PHEX: variants seen among roughly 807,000 people sequenced by gnomAD.
PHEX encodes phosphate-regulating neutral endopeptidase PHEX.
Under a neutral mutation model 68.0 loss-of-function variants are expected in PHEX, and 16 were observed. That is an observed-to-expected ratio of 0.24 (90% CI 0.16 to 0.36). The LOEUF is 0.36. Ranked by LOEUF, PHEX falls within the 10% of genes least tolerant of loss-of-function variation. The pLI is 1.00. For synonymous variants in PHEX, 208 were observed against 205.1 expected, an observed-to-expected ratio of 1.01 and a Z score of -0.12; for missense variants, 480 against 575.5, an observed-to-expected ratio of 0.83 and a Z score of 1.70.
At chrX:22,105,296 T>C (rs986702127) in intron 9 of PHEX, among the ~76,000 whole-genome samples, 1 of 112,488 alleles carries the variant, frequency 8.9e-6, no homozygotes, top group African/African-American at 3.2e-5. Context: ...AGTTGAGCTG[T>C]GTGTGCAGAA....
chrX:22,107,551 C>G (rs1422935580), intron 9 of PHEX, among the ~76,000 whole-genome samples: 1 of 111,856 alleles, frequency 8.9e-6, no homozygotes, highest in African/African-American at 3.3e-5. Flanking sequence ...CTGCCCACTT[C>G]CTTGAGTGAT....
intron 20 of PHEX, among the ~76,000 whole-genome samples, chrX:22,235,676 A>G (rs1025514540): frequency 3.6e-5 from 4 of 111,686 alleles, no homozygotes; most frequent in Non-Finnish European, 7.5e-5. Flanking sequence ...GGGCTTCAAC[A>G]TAAGAATTTT....
intron 15 of PHEX, among the ~76,000 whole-genome samples, chrX:22,208,808 CAT>C (rs767383877): frequency 4.5e-5 from 5 of 111,948 alleles, no homozygotes; most frequent in Admixed American, 1.9e-4. Context: ...TATAATGTAA[CAT>C]ATGTGTTCTT....
intron 11 of PHEX, among the ~76,000 whole-genome samples, chrX:22,117,236 G>A (rs1931274855): frequency 8.9e-6 from 1 of 111,995 alleles, no homozygotes; most frequent in South Asian, 3.7e-4. Flanking sequence ...CTTTCTCCCT[G>A]TAACCAGTGG....
At chrX:22,105,006 G>A (rs1930615774) in intron 9 of PHEX, among the ~76,000 whole-genome samples, 2 of 112,431 alleles carry the variant, frequency 1.8e-5, no homozygotes, top group African/African-American at 6.5e-5. Context: ...AAAGTAAGAT[G>A]ATTCTTGTTG....
At chrX:22,127,784 C>G (rs1229145530) in intron 11 of PHEX, among the ~76,000 whole-genome samples, 1 of 108,739 alleles carries the variant, frequency 9.2e-6, no homozygotes, top group Non-Finnish European at 1.9e-5. Context: ...CAAAGAGCAG[C>G]TGAGGCTCAT....
chrX:22,052,976 G>A (rs1927908655), intron 3 of PHEX, among the ~76,000 whole-genome samples: 1 of 110,828 alleles, frequency 9.0e-6, no homozygotes, highest in Non-Finnish European at 1.9e-5. Context: ...TTGAAAAAAG[G>A]GGAAAAAAAG....
chrX:22,216,716 C>T (rs1358863080), intron 16 of PHEX, among the ~76,000 whole-genome samples: 1 of 109,360 alleles, frequency 9.1e-6, no homozygotes, highest in Non-Finnish European at 1.9e-5. Context: ...CATGGGGTTT[C>T]TCCATGTTGG....
At chrX:22,147,549 G>GT (rs1162073398) in intron 12 of PHEX, among the ~76,000 whole-genome samples, 4 of 110,049 alleles carry the variant, frequency 3.6e-5, no homozygotes, top group Non-Finnish European at 5.7e-5. Flanking sequence ...AGTGTTCTGA[G>GT]TTGTCATTTT....
Position 22,113,587 on chromosome X carries a change from T to C in PHEX, c.1174-871T>C, listed in dbSNP as rs974132093. On this transcript the variant is annotated intron_variant, in intron 10 of 21. Coordinates refer to ENST00000379374, the MANE Select transcript of PHEX (RefSeq NM_000444.6). The stretch of plus-strand genomic sequence containing the variant: ...CAGATGGGCAAAGCATTTACATCTG[T>C]ATTTTGCTTGTTTATCAGTGTGTTT... Among the ~76,000 whole-genome samples the C allele has an allele frequency of 5.4e-5, 6 of 111,966 alleles. No homozygotes were observed. The Admixed American group carries it at 5.7e-4, about 11-fold the overall frequency.
At position 22,191,275 on chromosome X, in the gene PHEX, A is replaced by G. The variant is rs184411605; in HGVS notation, c.1645+773A>G. On this transcript the variant is annotated intron_variant, in intron 15 of 21. Transcript: ENST00000379374. ...ACTCCTGGCCTCAAGTGATCTGCCCACCTTGGCCTTCCAAAGTGCTGGGAT... is the reference window on the plus strand; with the variant it reads ...ACTCCTGGCCTCAAGTGATCTGCCCGCCTTGGCCTTCCAAAGTGCTGGGAT... Among the ~76,000 whole-genome samples, 487 of 111,955 alleles carry G rather than the reference A, an allele frequency of 4.3e-3. 2 individuals carry two copies. Among genetic ancestry groups the G allele is most frequent in the African/African-American group, 0.015 (477 of 30,855 alleles).
chrX:22,127,337 A>G (rs1931781791), intron 11 of PHEX, among the ~76,000 whole-genome samples: 1 of 111,480 alleles, frequency 9.0e-6, no homozygotes, highest in Admixed American at 9.5e-5. Flanking sequence ...TCACCTTAAG[A>G]CTTCCACTTT....
chrX:22,072,928 C>A (rs1403059680), intron 3 of PHEX, among the ~76,000 whole-genome samples: 1 of 111,845 alleles, frequency 8.9e-6, no homozygotes, highest in Non-Finnish European at 1.9e-5. Context: ...CTTTGCTGTC[C>A]AGGATGAAGA....
At chrX:22,112,631 G>C (rs1451917633) in intron 10 of PHEX, among the ~76,000 whole-genome samples, 1 of 111,489 alleles carries the variant, frequency 9.0e-6, no homozygotes, top group African/African-American at 3.3e-5. Context: ...TTAGGGCTGG[G>C]TGCAGTGGCT....
At chrX:22,165,256 T>A (rs901656044) in intron 12 of PHEX, among the ~76,000 whole-genome samples, 3 of 111,535 alleles carry the variant, frequency 2.7e-5, no homozygotes, top group Non-Finnish European at 5.6e-5. Flanking sequence ...TGGAGGCAGA[T>A]CTGGAGATGA....
chrX:22,204,523 T>C (rs1569426540), intron 15 of PHEX, among the ~76,000 whole-genome samples: 1 of 112,146 alleles, frequency 8.9e-6, no homozygotes, highest in Non-Finnish European at 1.9e-5. Context: ...CCTTTCTCCC[T>C]CACTAGATTG....
At chrX:22,132,669 T>C (rs1932060398) in intron 11 of PHEX, among the ~76,000 whole-genome samples, 2 of 111,574 alleles carry the variant, frequency 1.8e-5, no homozygotes, top group Admixed American at 9.5e-5. Context: ...CTATCTGAAA[T>C]GCACAGCCCA....
intron 11 of PHEX, among the ~76,000 whole-genome samples, chrX:22,116,839 C>T (rs756898133): frequency 1.1e-4 from 12 of 110,693 alleles, no homozygotes; most frequent in Non-Finnish European, 2.3e-4. Flanking sequence ...CTAGGCTTTT[C>T]CTGGATCTTG....
chrX:22,060,973 TG>T (rs1161345268), intron 3 of PHEX, among the ~76,000 whole-genome samples: 1 of 112,147 alleles, frequency 8.9e-6, no homozygotes, highest in Non-Finnish European at 1.9e-5. Flanking sequence ...AAATCCTAGC[TG>T]GCTTTGGTGG....
Sources: gnomAD v4.1 joint callset for allele counts (sites outside exome capture counted in the v4.1 genomes callset) on GRCh38, gnomAD v4.1.1 for gene constraint, MANE v1.5 for transcripts, NCBI Gene and HGNC (gene_info 2026-07-23, HGNC 2026-07-21) for gene names.